The following HEPACAM variants were observed in gnomAD, a reference collection of about 807,000 sequenced individuals.
HEPACAM encodes the protein hepatocyte cell adhesion molecule.
HEPACAM carries 18 observed loss-of-function variants against 38.3 expected under a neutral mutation model. That is an observed-to-expected ratio of 0.47 (90% CI 0.33 to 0.70). The LOEUF (loss-of-function observed/expected upper bound fraction) is 0.70, where lower values mean the gene tolerates loss of function less well. HEPACAM is among the 30% of genes least tolerant of loss of function. The pLI, the probability that HEPACAM is intolerant of heterozygous loss-of-function variation, is 0.03. For missense variants in HEPACAM, 466 were observed against 563.0 expected (o/e 0.83, Z 1.74); for synonymous variants, 216 against 243.1 (o/e 0.89, Z 1.04).
chr11:124,921,167 C>A lies in HEPACAM; in HGVS notation c.1222G>T (p.Glu408Ter). Residue 408 changes from glutamate (E) to a stop codon, truncating the protein, a stop_gained, in exon 7 of 7, where the codon GAG becomes TAG. Transcript: ENST00000298251. LOFTEE classifies it high-confidence loss of function. The surrounding 1 kb of genome is among the most constrained non-coding windows in gnomAD (Gnocchi z 4.6). ...GCGCTGATCTCCACCGGGCCGGCCTCGTCTTGCTCGCGGATTATGTGCACG... is the reference window on the plus strand; with the variant it reads ...GCGCTGATCTCCACCGGGCCGGCCTAGTCTTGCTCGCGGATTATGTGCACG... The part of the protein sequence containing the change: ...AGVHIIREQD[E>*]AGPVEISA 6.5e-7 allele frequency: 1 copy of A among 1,527,952 alleles called. No individual in the cohort carries two copies. Among genetic ancestry groups the A allele is most frequent in the Non-Finnish European group, 8.7e-7 (1 of 1,144,516 alleles). The allele number at this position is 1,527,952 out of a possible 1,614,324, so 94.6% of individuals were successfully genotyped here.
Position 124,920,460 on chromosome 11 carries a change from C to T in HEPACAM, c.*678G>A. 3 of 1,543,232 alleles carry T rather than the reference C, an allele frequency of 1.9e-6. No individual in the cohort carries two copies. Among genetic ancestry groups the T allele is most frequent in the South Asian group, 2.4e-5 (2 of 83,086 alleles). ...AAGCTGGCAGGCTCGGGTTCTTTGC[C>T]CTTGCTAGCGCCCAGGTCAGAGGGA... is the stretch of plus-strand genomic sequence containing the variant. On this transcript the variant is annotated 3_prime_UTR_variant, in exon 7 of 7. Transcript: ENST00000298251.
At chr11:124,923,694 T>G (rs1178544873) in intron 3 of HEPACAM, 35 bp downstream of exon 3, 1 of 1,612,954 alleles carries the variant, frequency 6.2e-7, no homozygotes, top group South Asian at 1.1e-5. Context: ...TCTTGGGGCT[T>G]TGAGTACTAA....
At chr11:124,932,195 A>C (rs905166198) in intron 1 of HEPACAM, among the ~76,000 whole-genome samples, 1 of 152,180 alleles carries the variant, frequency 6.6e-6, no homozygotes, top group Non-Finnish European at 1.5e-5. Context: ...TTTAGGCTAA[A>C]TGTACCTTCT....
intron 5 of HEPACAM, 80 bp from the exon 6 acceptor site, chr11:124,922,538 G>A (rs1271459168): frequency 6.3e-6 from 10 of 1,594,800 alleles, no homozygotes; most frequent in Middle Eastern, 1.7e-4. Context: ...TGTGCTTCCC[G>A]AATGGCCCGC....
In HEPACAM at chr11:124,921,324, G is replaced by T; in HGVS notation, c.1065C>A (p.Ile355=). ...AVPGRSPGLP[I]RSARRYPRSP... The stretch of plus-strand genomic sequence containing the variant: ...AGCGCGGGTAGCGGCGGGCAGAGCG[G>T]ATGGGCAGCCCCGGCGAGCGGCCGG... Residue 355 remains isoleucine, a synonymous_variant, in exon 7 of 7, where the codon ATC becomes ATA. Coordinates refer to ENST00000298251, the MANE Select transcript of HEPACAM (RefSeq NM_152722.5). The surrounding 1 kb of genome is among the most constrained non-coding windows in gnomAD (Gnocchi z 4.6). 1 of 1,283,196 alleles carries T rather than the reference G, an allele frequency of 7.8e-7. No individual in the cohort carries two copies. The highest frequency in any genetic ancestry group is 9.8e-7 in the Non-Finnish European group (1 of 1,020,806). 79.5% of individuals were successfully genotyped at this position (1,283,196 alleles called of 1,614,324 possible). A position where few individuals can be genotyped will look rare whatever the true frequency, so the allele number is the denominator to read the frequency against.
Position 124,919,498 on chromosome 11 carries a change from A to G in HEPACAM, c.*1640T>C. 1 of 537,626 alleles carries G rather than the reference A, an allele frequency of 1.9e-6. No homozygotes were observed. Among genetic ancestry groups the G allele is most frequent in the Non-Finnish European group, 3.3e-6 (1 of 300,564 alleles). 33.3% of individuals were successfully genotyped at this position (537,626 alleles called of 1,614,324 possible). ...TGCATCTCAAGGCTGACCAGCAGGT[A>G]CTCCTTATCCAAGTCCTGCTGCCTC... On this transcript the variant is annotated 3_prime_UTR_variant, in exon 7 of 7. Coordinates refer to ENST00000298251, the MANE Select transcript of HEPACAM (RefSeq NM_152722.5).
At chr11:124,925,138 T>A in intron 1 of HEPACAM, 69 bp from the exon 2 acceptor site, 1 of 1,251,592 alleles carries the variant, frequency 8.0e-7, no homozygotes. Context: ...CTCCCAACTT[T>A]AAGCCCTCTG....
At chr11:124,926,626 C>T (rs1947213272) in intron 1 of HEPACAM, among the ~76,000 whole-genome samples, 1 of 152,144 alleles carries the variant, frequency 6.6e-6, no homozygotes. Context: ...CTGAGTTTAG[C>T]TGAATAGACA....
In HEPACAM at chr11:124,921,256, G is replaced by C. The variant is rs1290684859; in HGVS notation, c.1133C>G (p.Pro378Arg). Residue 378 changes from proline (P) to arginine (R), a missense_variant, in exon 7 of 7, where the codon CCG becomes CGG. Pro to Arg is a moderately radical substitution (Grantham distance 103). Transcript: ENST00000298251. This position sits in a 1 kb window ranked among gnomAD's most constrained non-coding sequence, Gnocchi z 4.6. ...GCCGGGCGAGCTCGGGGCCCTGGGCGGCGACGAGTGTGTCCGGCCGGTGGC... is the reference window on the plus strand; with the variant it reads ...GCCGGGCGAGCTCGGGGCCCTGGGCCGCGACGAGTGTGTCCGGCCGGTGGC... ...SPATGRTHSS[P>R]PRAPSSPGRS... 1 of 1,420,636 alleles carries C rather than the reference G, an allele frequency of 7.0e-7. No individual in the cohort carries two copies. The highest frequency in any genetic ancestry group is 9.2e-7 in the Non-Finnish European group (1 of 1,092,352). 88.0% of individuals were successfully genotyped at this position (1,420,636 alleles called of 1,614,324 possible).
Position 124,920,356 on chromosome 11 carries a change from C to A in HEPACAM, c.*782G>T, listed in dbSNP as rs1414168722. 2 of 1,522,486 alleles carry A rather than the reference C, an allele frequency of 1.3e-6. No homozygotes were observed. Among genetic ancestry groups the A allele is most frequent in the Non-Finnish European group, 1.8e-6 (2 of 1,125,612 alleles). The allele number at this position is 1,522,486 out of a possible 1,614,324, so 94.3% of individuals were successfully genotyped here. A position where few individuals can be genotyped will look rare whatever the true frequency, so the allele number is the denominator to read the frequency against. ...CACTTCTCTATAAGAATAAGCCCAT[C>A]CATCTCTTTTATTCATGAACAGAGA... On this transcript the variant is annotated 3_prime_UTR_variant, in exon 7 of 7. Transcript: ENST00000298251.
intron 1 of HEPACAM, among the ~76,000 whole-genome samples, chr11:124,930,812 GACCCTTACCTC>G (rs1198179251): frequency 6.6e-6 from 1 of 152,148 alleles, no homozygotes; most frequent in Non-Finnish European, 1.5e-5. Context: ...AAAACGAATT[GACCCTTACCTC>G]ACACCTTACA....
At chr11:124,930,040 T>C (rs559741675) in intron 1 of HEPACAM, among the ~76,000 whole-genome samples, 1 of 152,224 alleles carries the variant, frequency 6.6e-6, no homozygotes, top group Non-Finnish European at 1.5e-5. Flanking sequence ...GAAAAGTTTT[T>C]GGTTTAGTTT....
chr11:124,919,986 G>C lies in HEPACAM; in HGVS notation c.*1152C>G. The C allele has an allele frequency of 6.2e-7, 1 of 1,613,312 alleles. No individual in the cohort carries two copies. The highest frequency in any genetic ancestry group is 1.1e-5 in the South Asian group (1 of 91,034). ...CATGGGCATGTCCTGGCTACACAGC[G>C]GCCCAGCCTCTTTATTTTGATGTTA... On this transcript the variant is annotated 3_prime_UTR_variant, in exon 7 of 7. Coordinates refer to ENST00000298251, the MANE Select transcript of HEPACAM (RefSeq NM_152722.5).
intron 1 of HEPACAM, among the ~76,000 whole-genome samples, chr11:124,927,533 TTTTGTA>T: frequency 6.8e-6 from 1 of 146,572 alleles, no homozygotes; most frequent in African/African-American, 2.5e-5. Context: ...GTTTTTTTTT[TTTTGTA>T]TTTTTTTGTA....
At chr11:124,928,809 T>C (rs1289978771) in intron 1 of HEPACAM, among the ~76,000 whole-genome samples, 1 of 152,228 alleles carries the variant, frequency 6.6e-6, no homozygotes, top group African/African-American at 2.4e-5. Context: ...CTTACATATG[T>C]TGATTGATGT....
intron 4 of HEPACAM, 54 bp downstream of exon 4, chr11:124,923,286 G>T: frequency 2.6e-6 from 3 of 1,140,790 alleles, no homozygotes; most frequent in African/African-American, 1.5e-5. Context: ...AAATAATGGG[G>T]CTTAGGTTTG....
chr11:124,935,867 C>A, intron 1 of HEPACAM, 55 bp downstream of exon 1: 1 of 1,502,078 alleles, frequency 6.7e-7, no homozygotes, highest in South Asian at 1.1e-5. Context: ...CCTCCGTCTG[C>A]TGTAAAAGCC....
chr11:124,924,745 A>T lies in HEPACAM; in HGVS notation c.410T>A (p.Ile137Asn). The T allele has an allele frequency of 6.2e-7, 1 of 1,614,016 alleles. No individual in the cohort carries two copies. The change falls in exon 2 of 7, where the codon ATC becomes AAC. Residue 137 changes from isoleucine (I) to asparagine (N), a missense_variant. Transcript: ENST00000298251. This position sits in a 1 kb window ranked among gnomAD's most constrained non-coding sequence, Gnocchi z 4.4. Reference protein sequence around the residue: ...TDDTFTGEKTINLTVDVPISR... With the variant: ...TDDTFTGEKTNNLTVDVPISR... ...CGCTTTACCATCTACAGTAAGGTTG[A>T]TGGTCTTCTCCCCAGTGAAGGTGTC...
At chr11:124,922,551 C>G in intron 5 of HEPACAM, 93 bp from the exon 6 acceptor site, 1 of 1,597,152 alleles carries the variant, frequency 6.3e-7, no homozygotes, top group Non-Finnish European at 8.6e-7. Flanking sequence ...TGGCCCGCCA[C>G]AACCTCCACC....
Sources: allele counts gnomAD v4.1 joint callset (sites outside exome capture counted in the v4.1 genomes callset), GRCh38; gene constraint gnomAD v4.1.1; non-coding constraint Gnocchi (gnomAD v3.1); transcripts MANE v1.5; gene names NCBI Gene and HGNC (gene_info 2026-07-23, HGNC 2026-07-21).